The following UPP2 variants were observed in gnomAD, a reference collection of about 807,000 sequenced individuals.
UPP2 encodes uridine phosphorylase 2.
A neutral mutation model predicts 26.7 loss-of-function variants in UPP2; 23 were observed. The observed-to-expected ratio is 0.86, with a 90% CI of 0.62 to 1.22. UPP2 has a LOEUF of 1.22. UPP2 is among the 50% of genes most tolerant of loss of function. The probability of loss-of-function intolerance (pLI) is 0.00; values close to 1 mark genes in which losing one functional copy is unlikely to be tolerated. For synonymous variants in UPP2, 127 were observed against 141.3 expected, an observed-to-expected ratio of 0.90 and a Z score of 0.72; for missense variants, 387 against 396.7, an observed-to-expected ratio of 0.98 and a Z score of 0.21.
intron 3 of UPP2, among the ~76,000 whole-genome samples, chr2:158,072,934 C>T (rs886687504): frequency 6.6e-6 from 1 of 152,038 alleles, no homozygotes; most frequent in Non-Finnish European, 1.5e-5. Context: ...CTGATGAACA[C>T]CCCCAAGTAT....
In UPP2 at chr2:158,105,634, A is replaced by G. The variant is rs538180464; in HGVS notation, c.63-465A>G. The stretch of plus-strand genomic sequence containing the variant: ...ACTTACTCAAGGTTGCACAATTAGG[A>G]TATATATGGTTGAACTTGTACTGGA... On this transcript the variant is annotated intron_variant, in intron 1 of 6. Transcript: ENST00000005756. 1.0e-3 allele frequency among the ~76,000 whole-genome samples: 155 copies of G among 152,324 alleles called. 1 individual carries two copies. The highest frequency in any genetic ancestry group is 1.6e-3 in the Admixed American group (24 of 15,304).
In UPP2 at chr2:158,050,985, G is replaced by C. The variant is rs112506552; in HGVS notation, c.147+35099G>C. ...ATGGATACACCATTCTCCATGATGTGACTAATTCACAGAGCATGCCTGTAT... is the reference window on the plus strand; with the variant it reads ...ATGGATACACCATTCTCCATGATGTCACTAATTCACAGAGCATGCCTGTAT... On this transcript the variant is annotated intron_variant, in intron 3 of 9. Transcript: ENST00000605860. 7.9e-3 allele frequency among the ~76,000 whole-genome samples: 1,195 copies of C among 152,122 alleles called. 17 individuals are homozygous for C. Among genetic ancestry groups the C allele is most frequent in the African/African-American group, 0.027 (1,108 of 41,478 alleles).
chr2:157,996,301 CT>C (rs541096696), intron 2 of UPP2, among the ~76,000 whole-genome samples: 2 of 151,996 alleles, frequency 1.3e-5, no homozygotes, highest in South Asian at 2.1e-4. Context: ...CCTAAACATA[CT>C]TTTTTTTCTT....
intron 2 of UPP2, among the ~76,000 whole-genome samples, chr2:158,015,202 A>G (rs942644909): frequency 2.6e-5 from 4 of 152,144 alleles, no homozygotes; most frequent in African/African-American, 7.2e-5. Flanking sequence ...TATCTTGCAC[A>G]ACTAAAACTC....
intron 2 of UPP2, among the ~76,000 whole-genome samples, chr2:157,999,167 G>T (rs1280663116): frequency 2.0e-5 from 3 of 146,598 alleles, no homozygotes; most frequent in Non-Finnish European, 4.5e-5. Context: ...GGGTCTTTTT[G>T]TTGTTGTTGT....
chr2:158,003,081 C>A (rs902202416), intron 2 of UPP2, among the ~76,000 whole-genome samples: 2 of 152,188 alleles, frequency 1.3e-5, no homozygotes, highest in African/African-American at 4.8e-5. Context: ...CATGGAGCCA[C>A]CTCCTCATGG....
intron 2 of UPP2, among the ~76,000 whole-genome samples, chr2:157,999,739 T>C (rs1683376570): frequency 6.6e-6 from 1 of 152,236 alleles, no homozygotes; most frequent in South Asian, 2.1e-4. Context: ...CTGCATGTTT[T>C]TGTCTTAGTT....
intron 6 of UPP2, among the ~76,000 whole-genome samples, chr2:158,128,855 T>C (rs1398092160): frequency 6.6e-6 from 1 of 152,100 alleles, no homozygotes; most frequent in Non-Finnish European, 1.5e-5. Context: ...CCAATTGACT[T>C]AGTGATGGGA....
chr2:158,120,023 T>C (rs537538042), intron 4 of UPP2, among the ~76,000 whole-genome samples: 2 of 145,560 alleles, frequency 1.4e-5, no homozygotes, highest in Non-Finnish European at 3.1e-5. Flanking sequence ...AAAAAAAAAA[T>C]AAAAATAAAA....
chr2:158,127,992 C>T (rs536865255), intron 6 of UPP2: 2 of 985,250 alleles, frequency 2.0e-6, no homozygotes, highest in East Asian at 1.1e-4. Context: ...AAGCCCCAAA[C>T]ATTCTGATGA....
chr2:158,115,644 T>C lies in UPP2; in HGVS notation c.339+385T>C, dbSNP rs147827330. On this transcript the variant is annotated intron_variant, in intron 3 of 6. Transcript: ENST00000005756. ...TTCAGGACTGCTAAAGTGCTGCTGTTTAACACCATAATAAGCTCGCTGAAA... is the reference window on the plus strand; with the variant it reads ...TTCAGGACTGCTAAAGTGCTGCTGTCTAACACCATAATAAGCTCGCTGAAA... Among the ~76,000 whole-genome samples the C allele has an allele frequency of 8.3e-4, 126 of 152,320 alleles. 2 individuals carry two copies. Among genetic ancestry groups the C allele is most frequent in the African/African-American group, 2.7e-3 (114 of 41,570 alleles).
chr2:158,056,061 T>G (rs1682241252), intron 3 of UPP2, among the ~76,000 whole-genome samples: 1 of 152,202 alleles, frequency 6.6e-6, no homozygotes, highest in Non-Finnish European at 1.5e-5. Context: ...GATCGCTTTC[T>G]GTGGAGAAGT....
At chr2:157,995,946 C>T (rs1309155316) in intron 2 of UPP2, among the ~76,000 whole-genome samples, 1 of 152,106 alleles carries the variant, frequency 6.6e-6, no homozygotes, top group Non-Finnish European at 1.5e-5. Flanking sequence ...AGGACATATA[C>T]ACTCATAAGA....
intron 3 of UPP2, among the ~76,000 whole-genome samples, chr2:158,034,295 C>T (rs983459966): frequency 3.3e-5 from 5 of 152,160 alleles, no homozygotes; most frequent in African/African-American, 9.7e-5. Flanking sequence ...TTTCACTGAG[C>T]AGACACAGCA....
intron 3 of UPP2, among the ~76,000 whole-genome samples, chr2:158,083,017 C>T (rs114025626): frequency 0.077 from 11,797 of 152,246 alleles, 529 homozygotes; most frequent in African/African-American, 0.12. Flanking sequence ...TGCCATCTTA[C>T]ATCAGTTAGA....
chr2:158,010,641 C>T (rs554266660), intron 2 of UPP2, among the ~76,000 whole-genome samples: 1 of 152,260 alleles, frequency 6.6e-6, no homozygotes, highest in African/African-American at 2.4e-5. Flanking sequence ...GAGGGAAATA[C>T]AGGGCAGGTA....
upstream of UPP2, among the ~76,000 whole-genome samples, chr2:158,100,584 AG>A (rs1683059170): frequency 6.6e-6 from 1 of 152,194 alleles, no homozygotes; most frequent in Non-Finnish European, 1.5e-5. Context: ...GTTCCTGGGA[AG>A]GAGCAGCAGG....
intron 6 of UPP2, among the ~76,000 whole-genome samples, chr2:158,124,276 A>G (rs976183974): frequency 6.6e-6 from 1 of 152,196 alleles, no homozygotes; most frequent in Non-Finnish European, 1.5e-5. Context: ...TCAGGGAAGG[A>G]TGGGAGAAGA....
At chr2:158,063,066 G>A (rs1682377956) in intron 3 of UPP2, among the ~76,000 whole-genome samples, 1 of 152,224 alleles carries the variant, frequency 6.6e-6, no homozygotes, top group Admixed American at 6.5e-5. Context: ...GATTTCAGCA[G>A]TTGTAGAGGG....
Sources: gnomAD v4.1 joint callset for allele counts (sites outside exome capture counted in the v4.1 genomes callset) on GRCh38, gnomAD v4.1.1 for gene constraint, MANE v1.5 for transcripts, NCBI Gene and HGNC (gene_info 2026-07-23, HGNC 2026-07-21) for gene names.